GSE1: variants seen among roughly 807,000 people sequenced by gnomAD.
The protein encoded by GSE1 is Gse1 coiled-coil protein.
In GSE1, 32 loss-of-function variants were observed where a neutral mutation model predicts 112.6. The observed-to-expected ratio is 0.28, with a 90% CI of 0.21 to 0.38. The LOEUF is 0.38. GSE1 is among the 10% of genes least tolerant of loss of function. GSE1 has a pLI of 1.00. For synonymous variants in GSE1, 1,115 were observed against 735.6 expected (o/e 1.52, Z -8.35); for missense variants, 2,348 against 1,699.2 (o/e 1.38, Z -6.71).
chr16:85,611,570 C>A, upstream of GSE1: 2 of 751,766 alleles, frequency 2.7e-6, no homozygotes, highest in Non-Finnish European at 3.2e-6. Context: ...CTCGCCGGTC[C>A]GTTTCCCTTT....
intron 2 of GSE1, among the ~76,000 whole-genome samples, chr16:85,497,169 G>A (rs545217964): frequency 3.9e-5 from 6 of 152,358 alleles, no homozygotes; most frequent in Admixed American, 1.3e-4. Context: ...AAAGTGCTGG[G>A]ATTACAGGCG....
intron 2 of GSE1, among the ~76,000 whole-genome samples, chr16:85,648,080 C>T (rs563403316): frequency 1.3e-5 from 2 of 149,140 alleles, no homozygotes; most frequent in Non-Finnish European, 3.0e-5. Flanking sequence ...GGTGTGTGGC[C>T]CAGCTGGCCT....
intron 2 of GSE1, among the ~76,000 whole-genome samples, chr16:85,416,200 G>A (rs535821250): frequency 3.2e-4 from 48 of 152,230 alleles, no homozygotes; most frequent in South Asian, 2.1e-4. Flanking sequence ...ACATTAGAGC[G>A]CCTTTACAAT....
chr16:85,360,858 C>G (rs533209789), intron 2 of GSE1, among the ~76,000 whole-genome samples: 1 of 151,972 alleles, frequency 6.6e-6, no homozygotes, highest in African/African-American at 2.4e-5. Flanking sequence ...GTGACACACA[C>G]ACACACACCT....
chr16:85,587,170 C>A (rs1468862362), intron 1 of GSE1, among the ~76,000 whole-genome samples: 1 of 123,476 alleles, frequency 8.1e-6, no homozygotes, highest in East Asian at 2.2e-4. Context: ...AGGACGAAAC[C>A]CCCCCCCCCC....
chr16:85,663,463 A>T lies in GSE1; in HGVS notation c.2493A>T (p.Thr831=). ...GAGAGAGAAGCCCGTCGCCCCCAAC[A>T]ATTCAGAGCAAGCGGCAGACGCCTT... ...MLRERSPSPP[T]IQSKRQTPSP... Residue 831 remains threonine, a synonymous_variant, in exon 11 of 16, where the codon ACA becomes ACT. Transcript: ENST00000253458. The T allele has an allele frequency of 6.2e-7, 1 of 1,613,928 alleles. No individual in the cohort carries two copies. Among genetic ancestry groups the T allele is most frequent in the Non-Finnish European group, 8.5e-7 (1 of 1,180,022 alleles).
intron 2 of GSE1, among the ~76,000 whole-genome samples, chr16:85,484,109 C>T (rs897393561): frequency 1.2e-4 from 19 of 152,360 alleles, no homozygotes; most frequent in East Asian, 1.9e-4. Flanking sequence ...ATGTGGCTCC[C>T]GGACCAGTTA....
intron 2 of GSE1, among the ~76,000 whole-genome samples, chr16:85,388,000 ATGG>A (rs2047727198): frequency 2.6e-5 from 2 of 75,640 alleles, no homozygotes; most frequent in African/African-American, 1.5e-4. Flanking sequence ...GGGTGGATGG[ATGG>A]ATGGATGGAT....
At chr16:85,511,861 C>A (rs949139151) in intron 2 of GSE1, among the ~76,000 whole-genome samples, 4 of 152,302 alleles carry the variant, frequency 2.6e-5, no homozygotes, top group African/African-American at 9.6e-5. Context: ...TTGATTTCAG[C>A]CCAGTGCTAC....
At chr16:85,262,218 C>T (rs957938750) in intron 1 of GSE1, among the ~76,000 whole-genome samples, 1 of 152,212 alleles carries the variant, frequency 6.6e-6, no homozygotes, top group Non-Finnish European at 1.5e-5. Flanking sequence ...ATTTATCCCC[C>T]TTTCCTCAGA....
intron 2 of GSE1, among the ~76,000 whole-genome samples, chr16:85,637,789 G>T (rs1035437726): frequency 6.6e-6 from 1 of 152,228 alleles, no homozygotes; most frequent in Admixed American, 6.5e-5. Flanking sequence ...CACCTGCCGG[G>T]GAGTGGGGTC....
At position 85,604,984 on chromosome 16, in the gene GSE1, GT is replaced by G. The variant is rs1210950307; in HGVS notation, c.38-43562del. Among the ~76,000 whole-genome samples, 117 of 144,244 alleles carry G rather than the reference GT, an allele frequency of 8.1e-4. 2 individuals carry two copies. Among genetic ancestry groups the G allele is most frequent in the Non-Finnish European group, 2.0e-4 (13 of 66,276 alleles). 94.6% of individuals were successfully genotyped at this position (144,244 alleles called of 152,430 possible). A position where few individuals can be genotyped will look rare whatever the true frequency, so the allele number is the denominator to read the frequency against. Reference sequence around the variant, plus strand: ...AGGCGCCCTCCACCACGCCCGGCTAGTTTTTTGTATTTTTAGTAGAGATGGG... The same window carrying G: ...AGGCGCCCTCCACCACGCCCGGCTAGTTTTTGTATTTTTAGTAGAGATGGG... On this transcript the variant is annotated intron_variant, in intron 1 of 2. Transcript: ENST00000635906.
intron 2 of GSE1, among the ~76,000 whole-genome samples, chr16:85,468,192 A>G (rs2050178499): frequency 1.6e-5 from 1 of 60,730 alleles, no homozygotes; most frequent in African/African-American, 5.4e-5. Context: ...AAGGTGGGAA[A>G]GCCCTTAGAG....
At chr16:85,555,058 C>G (rs1050892005), upstream of GSE1, 1 of 985,384 alleles carries the variant, frequency 1.0e-6, no homozygotes, top group Non-Finnish European at 1.2e-6. Context: ...TATTATCGCC[C>G]TGCGAAGCAT....
chr16:85,437,812 G>C (rs1018707535), intron 2 of GSE1, among the ~76,000 whole-genome samples: 1 of 152,224 alleles, frequency 6.6e-6, no homozygotes, highest in East Asian at 1.9e-4. Flanking sequence ...GCTATGTTCA[G>C]TGGTTGGACC....
At chr16:85,486,819 C>T (rs537985069) in intron 2 of GSE1, among the ~76,000 whole-genome samples, 13 of 152,366 alleles carry the variant, frequency 8.5e-5, no homozygotes, top group Non-Finnish European at 1.6e-4. Flanking sequence ...CTCCCTCCCT[C>T]CCGGCATGGC....
chr16:85,309,613 C>T lies in GSE1; in HGVS notation c.2284-47850C>T, dbSNP rs545478259. Reference sequence around the variant, plus strand: ...TCCTCGAGGCACGTGGCCCACCCCCCGGATCTGGCCGGGAGCAGCTTCCAC... The same window carrying T: ...TCCTCGAGGCACGTGGCCCACCCCCTGGATCTGGCCGGGAGCAGCTTCCAC... On this transcript the variant is annotated intron_variant, in intron 1 of 2. Coordinates refer to the GSE1 transcript ENST00000637419. Among the ~76,000 whole-genome samples the T allele has an allele frequency of 1.6e-4, 24 of 152,394 alleles. No individual in the cohort carries two copies. In the South Asian group the frequency reaches 3.3e-3, roughly 21 times the overall value.
upstream of GSE1, among the ~76,000 whole-genome samples, chr16:85,551,219 C>T (rs529601915): frequency 1.8e-4 from 27 of 152,304 alleles, 1 homozygote; most frequent in East Asian, 4.6e-3. Flanking sequence ...CAGGCTTTTC[C>T]GGAGAAGTGT....
chr16:85,188,821 C>T (rs116301914), intron 1 of GSE1, among the ~76,000 whole-genome samples: 1 of 124,364 alleles, frequency 8.0e-6, no homozygotes, highest in Non-Finnish European at 1.9e-5. Flanking sequence ...AAAAAAAAAA[C>T]AAAACAAAAA....
Sources: allele counts gnomAD v4.1 joint callset (sites outside exome capture counted in the v4.1 genomes callset), GRCh38; gene constraint gnomAD v4.1.1; transcripts MANE v1.5; gene names NCBI Gene and HGNC (gene_info 2026-07-23, HGNC 2026-07-21).